The following PIK3CB variants were observed in gnomAD, a reference collection of about 807,000 sequenced individuals.
PIK3CB encodes the protein phosphatidylinositol 4,5-bisphosphate 3-kinase catalytic subunit beta isoform.
PIK3CB carries 39 observed loss-of-function variants against 136.8 expected under a neutral mutation model. The ratio of observed to expected loss-of-function variants is 0.29; its 90% CI spans 0.22 to 0.37. PIK3CB has a LOEUF of 0.37. Among genes scored for constraint, PIK3CB ranks in the 10% least tolerant of loss-of-function variants. The pLI is 1.00. For missense variants in PIK3CB, 868 were observed against 1,275.4 expected (o/e 0.68, Z 4.87); for synonymous variants, 428 against 436.6 (o/e 0.98, Z 0.25).
intron 1 of PIK3CB, among the ~76,000 whole-genome samples, chr3:138,800,237 T>C (rs1053826543): frequency 6.6e-6 from 1 of 152,212 alleles, no homozygotes; most frequent in Non-Finnish European, 1.5e-5. Context: ...TTATCATCTT[T>C]ATAACATTTA....
intron 1 of PIK3CB, among the ~76,000 whole-genome samples, chr3:138,813,842 T>C (rs1355382331): frequency 6.6e-6 from 1 of 152,090 alleles, no homozygotes; most frequent in Non-Finnish European, 1.5e-5. Context: ...AACAATTAGA[T>C]ATGAGCATTC....
At chr3:138,761,945 A>G (rs1423292017) in intron 2 of PIK3CB, among the ~76,000 whole-genome samples, 2 of 149,312 alleles carry the variant, frequency 1.3e-5, no homozygotes, top group African/African-American at 4.9e-5. Flanking sequence ...GTCTCAAAAA[A>G]AAAAAACCAA....
chr3:138,663,880 T>C (rs973183095), intron 21 of PIK3CB, 26 bp downstream of exon 21: 7 of 1,608,458 alleles, frequency 4.4e-6, no homozygotes, highest in Middle Eastern at 1.7e-4. Flanking sequence ...ACTAAGGCCC[T>C]TGGCAGATCC....
intron 2 of PIK3CB, among the ~76,000 whole-genome samples, chr3:138,768,470 G>A (rs1374453547): frequency 6.6e-6 from 1 of 152,216 alleles, no homozygotes; most frequent in Non-Finnish European, 1.5e-5. Flanking sequence ...CTGGTCCACA[G>A]GCAGCCATGG....
At chr3:138,765,702 C>T (rs2045724210) in intron 2 of PIK3CB, among the ~76,000 whole-genome samples, 1 of 146,890 alleles carries the variant, frequency 6.8e-6, no homozygotes, top group Admixed American at 6.9e-5. Flanking sequence ...AAAAAATTAG[C>T]TGTGCATGGG....
At chr3:138,751,164 T>C (rs547648670) in intron 4 of PIK3CB, among the ~76,000 whole-genome samples, 3 of 152,222 alleles carry the variant, frequency 2.0e-5, no homozygotes, top group African/African-American at 7.2e-5. Context: ...ATCTCTTAAA[T>C]ACAGAAATTT....
At chr3:138,771,772 T>C (rs896407803) in intron 2 of PIK3CB, among the ~76,000 whole-genome samples, 4 of 151,986 alleles carry the variant, frequency 2.6e-5, no homozygotes, top group Admixed American at 2.0e-4. Flanking sequence ...AAAAATTGGC[T>C]GGGTGTGGTG....
At chr3:138,727,317 A>C (rs112968971) in intron 8 of PIK3CB, among the ~76,000 whole-genome samples, 30 of 152,350 alleles carry the variant, frequency 2.0e-4, no homozygotes, top group African/African-American at 6.7e-4. Context: ...AGCTTTAAGG[A>C]GGGCAGAGAA....
At chr3:138,807,641 C>A (rs1387686891) in intron 1 of PIK3CB, among the ~76,000 whole-genome samples, 1 of 151,926 alleles carries the variant, frequency 6.6e-6, no homozygotes, top group Non-Finnish European at 1.5e-5. Context: ...ACCTATAATC[C>A]CAGCATTTTG....
At chr3:138,689,983 A>G (rs1478270735) in intron 15 of PIK3CB, among the ~76,000 whole-genome samples, 1 of 152,182 alleles carries the variant, frequency 6.6e-6, no homozygotes, top group South Asian at 2.1e-4. Context: ...TCTTACTTAA[A>G]AAGTGATGTA....
chr3:138,742,380 C>T (rs1315317364), intron 5 of PIK3CB, among the ~76,000 whole-genome samples, 178 bp downstream of exon 5: 3 of 152,134 alleles, frequency 2.0e-5, no homozygotes, highest in Non-Finnish European at 4.4e-5. Context: ...GATACGTGTA[C>T]AGAATATCAC....
chr3:138,817,385 G>A (rs934790365), intron 1 of PIK3CB, among the ~76,000 whole-genome samples: 2 of 151,338 alleles, frequency 1.3e-5, no homozygotes, highest in Admixed American at 6.6e-5. Context: ...GCCTGGTGGC[G>A]CATGCCTGTA....
intron 8 of PIK3CB, among the ~76,000 whole-genome samples, chr3:138,727,346 T>G (rs891728741): frequency 2.0e-5 from 3 of 152,224 alleles, no homozygotes; most frequent in Non-Finnish European, 4.4e-5. Context: ...GAGACTGACT[T>G]ATTTGTTGAA....
chr3:138,703,039 A>C (rs963048407), intron 12 of PIK3CB, among the ~76,000 whole-genome samples: 1 of 152,220 alleles, frequency 6.6e-6, no homozygotes, highest in African/African-American at 2.4e-5. Flanking sequence ...TGTCTCCAGA[A>C]ACCTGAATAA....
intron 19 of PIK3CB, among the ~76,000 whole-genome samples, chr3:138,675,456 C>G (rs2043625112): frequency 6.6e-6 from 1 of 151,976 alleles, no homozygotes; most frequent in African/African-American, 2.4e-5. Context: ...TATATATGTC[C>G]AGGATGCTCA....
chr3:138,654,929 A>T lies in PIK3CB; in HGVS notation c.*460T>A. 4.7e-6 allele frequency: 1 copy of T among 214,498 alleles called. No individual in the cohort carries two copies. The highest frequency in any genetic ancestry group is 7.0e-5 in the East Asian group (1 of 14,262). 13.3% of individuals were successfully genotyped at this position (214,498 alleles called of 1,614,324 possible). A position where few individuals can be genotyped will look rare whatever the true frequency, so the allele number is the denominator to read the frequency against. ...TATATTATAATTTGCAGTTTACACA[A>T]TTTTAAAAGGGAAGAAAGATGCCTT... On this transcript the variant is annotated 3_prime_UTR_variant, in exon 24 of 24. Transcript: ENST00000674063.
chr3:138,720,198 C>A (rs1285741207), intron 8 of PIK3CB, among the ~76,000 whole-genome samples: 1 of 152,200 alleles, frequency 6.6e-6, no homozygotes, highest in Non-Finnish European at 1.5e-5. Flanking sequence ...TTCTCTCCTT[C>A]CCTTCAGCCA....
intron 4 of PIK3CB, among the ~76,000 whole-genome samples, chr3:138,754,677 T>C (rs1356424774): frequency 6.6e-6 from 1 of 152,184 alleles, no homozygotes; most frequent in Non-Finnish European, 1.5e-5. Flanking sequence ...GAGTATCCCT[T>C]AGTAAACTAA....
chr3:138,829,025 C>A (rs2108928787), intron 1 of PIK3CB, among the ~76,000 whole-genome samples: 1 of 149,786 alleles, frequency 6.7e-6, no homozygotes, highest in East Asian at 2.0e-4. Flanking sequence ...TGGTCTCGAA[C>A]TCCTGACCTC....
Sources: allele counts gnomAD v4.1 joint callset (sites outside exome capture counted in the v4.1 genomes callset), GRCh38; gene constraint gnomAD v4.1.1; transcripts MANE v1.5; gene names NCBI Gene and HGNC (gene_info 2026-07-23, HGNC 2026-07-21).